The following LRRC37A2 variants were observed in gnomAD, a reference collection of about 807,000 sequenced individuals.
LRRC37A2 encodes leucine rich repeat containing 37 member A2.
Under a neutral mutation model 68.8 loss-of-function variants are expected in LRRC37A2, and 9 were observed. That is an observed-to-expected ratio of 0.13 (90% CI 0.08 to 0.23). The LOEUF (loss-of-function observed/expected upper bound fraction) is 0.23, where lower values mean the gene tolerates loss of function less well. Among genes scored for constraint, LRRC37A2 ranks in the 10% least tolerant of loss-of-function variants. The pLI is 1.00. For missense variants in LRRC37A2, 168 were observed against 950.4 expected (o/e 0.18, Z 10.82); for synonymous variants, 63 against 367.6 (o/e 0.17, Z 9.48).
At chr17:46,773,955 A>C in the LRRC37A2 span, 1 of 1,597,128 alleles carries the variant, frequency 6.3e-7, no homozygotes. Flanking sequence ...CAAAGCACAG[A>C]GCCCATCCTG....
the LRRC37A2 span, among the ~76,000 whole-genome samples, chr17:46,744,778 T>C: frequency 2.6e-4 from 39 of 152,222 alleles, no homozygotes; most frequent in Non-Finnish European, 4.4e-4. Context: ...TTCTTCATCA[T>C]GTAAAGAAGT....
At chr17:46,889,025 A>T in the LRRC37A2 span, among the ~76,000 whole-genome samples, 6 of 152,066 alleles carry the variant, frequency 3.9e-5, no homozygotes, top group African/African-American at 9.7e-5. Context: ...CAGAGCTCTC[A>T]TGTCTAAAAT....
At chr17:46,983,103 G>T in the LRRC37A2 span, among the ~76,000 whole-genome samples, 1 of 152,136 alleles carries the variant, frequency 6.6e-6, no homozygotes, top group Non-Finnish European at 1.5e-5. Flanking sequence ...TGCTGCAGGG[G>T]TTGTTCGTTG....
the LRRC37A2 span, chr17:46,929,433 A>G: frequency 4.1e-3 from 3,174 of 774,476 alleles, 70 homozygotes; most frequent in African/African-American, 0.049. Flanking sequence ...AATCAGTTAC[A>G]TGTTGGCATC....
chr17:47,044,032 T>A, the LRRC37A2 span, among the ~76,000 whole-genome samples: 1 of 101,054 alleles, frequency 9.9e-6, no homozygotes, highest in Non-Finnish European at 2.0e-5. Flanking sequence ...GCAACAAGAG[T>A]GAGACTCCAT....
chr17:46,907,753 G>A, the LRRC37A2 span, among the ~76,000 whole-genome samples: 4 of 151,694 alleles, frequency 2.6e-5, no homozygotes, highest in Non-Finnish European at 4.4e-5. Context: ...TCAGCGGGGG[G>A]GGTGAGGCAG....
the LRRC37A2 span, among the ~76,000 whole-genome samples, chr17:46,849,775 A>G: frequency 6.6e-6 from 1 of 151,894 alleles, no homozygotes; most frequent in Non-Finnish European, 1.5e-5. Context: ...TGTAAACACC[A>G]TCACACCCCA....
At chr17:47,030,187 A>G in the LRRC37A2 span, among the ~76,000 whole-genome samples, 1 of 148,872 alleles carries the variant, frequency 6.7e-6, no homozygotes, top group Non-Finnish European at 1.5e-5. Context: ...AAAACACTGG[A>G]ATCACAGTTG....
At chr17:46,771,246 C>T in the LRRC37A2 span, among the ~76,000 whole-genome samples, 1 of 152,110 alleles carries the variant, frequency 6.6e-6, no homozygotes, top group African/African-American at 2.4e-5. Flanking sequence ...GCTGCCAGGG[C>T]CGACCGAGGA....
the LRRC37A2 span, among the ~76,000 whole-genome samples, chr17:46,800,975 G>A: frequency 2.0e-5 from 3 of 152,206 alleles, no homozygotes; most frequent in Non-Finnish European, 4.4e-5. Context: ...AGGTGTGCAC[G>A]AGAACAACGC....
chr17:46,874,762 G>C, the LRRC37A2 span, among the ~76,000 whole-genome samples: 8 of 152,130 alleles, frequency 5.3e-5, no homozygotes, highest in African/African-American at 1.9e-4. Flanking sequence ...ATTTTTAGTA[G>C]AGACGGGGTT....
the LRRC37A2 span, chr17:46,773,648 CCT>C: frequency 1.2e-5 from 18 of 1,531,374 alleles, no homozygotes; most frequent in African/African-American, 1.4e-4. Context: ...CCTCCCCCCC[CCT>C]CAGCCCCAAG....
chr17:46,936,519 C>T, the LRRC37A2 span: 11 of 985,458 alleles, frequency 1.1e-5, no homozygotes, highest in African/African-American at 7.0e-5. Context: ...CCTCCACCTG[C>T]CTCACACCCT....
chr17:46,901,735 A>T, the LRRC37A2 span, among the ~76,000 whole-genome samples: 2,941 of 152,212 alleles, frequency 0.019, 95 homozygotes, highest in African/African-American at 0.066. Flanking sequence ...AGTCACCTGC[A>T]ACAAATCCTT....
At chr17:46,821,806 T>C in the LRRC37A2 span, among the ~76,000 whole-genome samples, 1 of 151,902 alleles carries the variant, frequency 6.6e-6, no homozygotes, top group East Asian at 1.9e-4. Context: ...TGATGTGCAC[T>C]CCCCCGGGGC....
chr17:46,902,489 T>TGTGA, the LRRC37A2 span, among the ~76,000 whole-genome samples: 15 of 150,966 alleles, frequency 9.9e-5, no homozygotes, highest in Non-Finnish European at 1.8e-4. Flanking sequence ...TGTGTGTGTG[T>TGTGA]AAGATAGAGA....
the LRRC37A2 span, among the ~76,000 whole-genome samples, chr17:46,467,545 G>T: frequency 3.7e-4 from 38 of 102,898 alleles, 3 homozygotes; most frequent in East Asian, 6.8e-3. Context: ...GGTAACTTTG[G>T]TGCTGTTTTT....
the LRRC37A2 span, among the ~76,000 whole-genome samples, chr17:46,808,013 C>G: frequency 1.9e-3 from 291 of 152,362 alleles, no homozygotes; most frequent in Non-Finnish European, 2.8e-3. Context: ...AAAGAAGATT[C>G]TGCCCAGCTG....
At chr17:46,890,310 AG>A in the LRRC37A2 span, among the ~76,000 whole-genome samples, 1 of 152,142 alleles carries the variant, frequency 6.6e-6, no homozygotes, top group African/African-American at 2.4e-5. Context: ...ATCCAGCTGG[AG>A]GGTGCTTCAG....
Sources: gnomAD v4.1 joint callset for allele counts (sites outside exome capture counted in the v4.1 genomes callset) on GRCh38, gnomAD v4.1.1 for gene constraint, MANE v1.5 for transcripts, NCBI Gene and HGNC (gene_info 2026-07-23, HGNC 2026-07-21) for gene names.